Variants in ZMYND8 observed in about 807,000 individuals in gnomAD.
ZMYND8 encodes MYND-type zinc finger-containing chromatin reader ZMYND8.
Under a neutral mutation model 140.8 loss-of-function variants are expected in ZMYND8, and 37 were observed. That is an observed-to-expected ratio of 0.26 (90% confidence interval 0.20 to 0.35). The LOEUF (loss-of-function observed/expected upper bound fraction) is 0.35, where lower values mean the gene tolerates loss of function less well. ZMYND8 is among the 10% of genes least tolerant of loss of function. The probability of loss-of-function intolerance (pLI) is 1.00; values close to 1 mark genes in which losing one functional copy is unlikely to be tolerated. For synonymous variants in ZMYND8, 592 were observed against 597.1 expected (o/e 0.99, Z 0.12); for missense variants, 1,068 against 1,570.0 (o/e 0.68, Z 5.40).
chr20:47,214,093 G>A (rs1177363927), intron 21 of ZMYND8, among the ~76,000 whole-genome samples: 1 of 152,178 alleles, frequency 6.6e-6, no homozygotes, highest in Non-Finnish European at 1.5e-5. Flanking sequence ...AGTACCTGAT[G>A]CACATAAATA....
At chr20:47,238,366 A>G (rs2039507273) in intron 15 of ZMYND8, 1 of 232,650 alleles carries the variant, frequency 4.3e-6, no homozygotes, top group Admixed American at 5.2e-5. Context: ...GCACATATAT[A>G]CATACAGATA....
chr20:47,289,612 GA>G (rs11423749), intron 7 of ZMYND8, among the ~76,000 whole-genome samples: 23 of 147,098 alleles, frequency 1.6e-4, no homozygotes, highest in Non-Finnish European at 2.2e-4. Flanking sequence ...TTGATCGAAT[GA>G]AAAAAAAAAA....
intron 2 of ZMYND8, among the ~76,000 whole-genome samples, chr20:47,315,328 A>G (rs1014602572): frequency 2.6e-5 from 4 of 152,194 alleles, no homozygotes; most frequent in African/African-American, 9.7e-5. Context: ...GTTTGCTGTT[A>G]CAAACACCAA....
chr20:47,298,975 G>A lies in ZMYND8; in HGVS notation c.235-28C>T, dbSNP rs375107295. 13 of 1,606,694 alleles carry A rather than the reference G, an allele frequency of 8.1e-6. No individual in the cohort carries two copies. Among genetic ancestry groups the A allele is most frequent in the Non-Finnish European group, 1.1e-5 (13 of 1,173,710 alleles). On this transcript the variant is annotated intron_variant, in intron 3 of 22. Coordinates refer to ENST00000471951, the MANE Select transcript of ZMYND8 (RefSeq NM_001281775.3). The surrounding 1 kb of genome is among the most constrained non-coding windows in gnomAD (Gnocchi z 5.0). ...GAAATGTAGGCAAAAAGACAGGTTT[G>A]GTTTCAAAACAAATGTGCATTCTCA...
intron 19 of ZMYND8, 26 bp downstream of exon 19, chr20:47,224,291 C>T (rs376425999): frequency 5.6e-5 from 90 of 1,612,672 alleles, no homozygotes; most frequent in Middle Eastern, 1.7e-4. Flanking sequence ...CAGCCCAGGA[C>T]GGGAGGCAGC....
At chr20:47,324,167 A>G (rs1601933104) in intron 2 of ZMYND8, among the ~76,000 whole-genome samples, 1 of 139,128 alleles carries the variant, frequency 7.2e-6, no homozygotes, top group South Asian at 2.2e-4. Context: ...ATGCCATTGC[A>G]CTCCAACCTG....
At chr20:47,333,802 G>A (rs567551444) in intron 2 of ZMYND8, among the ~76,000 whole-genome samples, 57 of 147,304 alleles carry the variant, frequency 3.9e-4, no homozygotes, top group African/African-American at 1.4e-3. Flanking sequence ...CAGCTACTCA[G>A]GAGGCTGAGG....
chr20:47,329,370 C>T (rs1054094263), intron 2 of ZMYND8, among the ~76,000 whole-genome samples: 22 of 152,146 alleles, frequency 1.4e-4, no homozygotes, highest in African/African-American at 4.8e-4. Flanking sequence ...TGACACGTGG[C>T]CAGGGCAGCT....
At chr20:47,219,055 ATT>A (rs3092175) in intron 21 of ZMYND8, among the ~76,000 whole-genome samples, 41 of 110,914 alleles carry the variant, frequency 3.7e-4, no homozygotes, top group South Asian at 3.7e-3. Flanking sequence ...CGTTTCTACA[ATT>A]TTTTTTTTTT....
intron 11 of ZMYND8, among the ~76,000 whole-genome samples, chr20:47,272,095 T>C (rs543597712): frequency 1.2e-4 from 18 of 152,056 alleles, no homozygotes; most frequent in African/African-American, 4.3e-4. Context: ...TTTTTTTCTT[T>C]GAGACAGAGT....
chr20:47,323,042 G>A (rs760111176), intron 2 of ZMYND8, among the ~76,000 whole-genome samples: 2 of 152,180 alleles, frequency 1.3e-5, no homozygotes, highest in Non-Finnish European at 2.9e-5. Context: ...GCCTCTCTGT[G>A]ACTCAGTCAT....
intron 14 of ZMYND8, among the ~76,000 whole-genome samples, chr20:47,241,896 C>T (rs1420442423): frequency 2.0e-5 from 3 of 150,818 alleles, no homozygotes; most frequent in Admixed American, 6.6e-5. Flanking sequence ...CGGCTCACTG[C>T]AAGCTCCGCC....
intron 2 of ZMYND8, among the ~76,000 whole-genome samples, chr20:47,323,373 G>A (rs1010173296): frequency 5.3e-5 from 8 of 151,878 alleles, no homozygotes; most frequent in Non-Finnish European, 1.2e-4. Flanking sequence ...CTCCCAAGTA[G>A]CTAACACCAC....
intron 4 of ZMYND8, among the ~76,000 whole-genome samples, chr20:47,296,016 C>T (rs2077612574): frequency 6.6e-6 from 1 of 152,126 alleles, no homozygotes; most frequent in South Asian, 2.1e-4. Flanking sequence ...AAAAGGCCAA[C>T]ACAAGAGTCA....
At chr20:47,216,495 C>CAAAAA (rs10536216) in intron 21 of ZMYND8, among the ~76,000 whole-genome samples, 7,256 of 58,858 alleles carry the variant, frequency 0.12, 804 homozygotes, top group Non-Finnish European at 0.14. Flanking sequence ...GACTCTGTCT[C>CAAAAA]AAAAAAAAAA....
At chr20:47,318,539 G>T (rs1046729047) in intron 2 of ZMYND8, 5 of 361,946 alleles carry the variant, frequency 1.4e-5, no homozygotes, top group Admixed American at 3.7e-5. Flanking sequence ...GGTTGGGGGT[G>T]GGGAGGAAGC....
intron 3 of ZMYND8, among the ~76,000 whole-genome samples, chr20:47,308,928 G>A (rs2078705662): frequency 6.6e-6 from 1 of 152,156 alleles, no homozygotes; most frequent in African/African-American, 2.4e-5. Flanking sequence ...AATGCACAAA[G>A]TGGATGAATG....
At chr20:47,231,908 C>T (rs1472433031) in intron 16 of ZMYND8, among the ~76,000 whole-genome samples, 1 of 152,264 alleles carries the variant, frequency 6.6e-6, no homozygotes, top group African/African-American at 2.4e-5. Context: ...TTACTCTTAA[C>T]TTCCAAATAT....
chr20:47,338,247 C>G (rs114371179), intron 2 of ZMYND8, among the ~76,000 whole-genome samples: 7 of 152,108 alleles, frequency 4.6e-5, no homozygotes, highest in African/African-American at 1.2e-4. Context: ...AGGCTCCGGG[C>G]TGGCTCTACT....
Sources: allele counts gnomAD v4.1 joint callset (sites outside exome capture counted in the v4.1 genomes callset), GRCh38; gene constraint gnomAD v4.1.1; non-coding constraint Gnocchi (gnomAD v3.1); transcripts MANE v1.5; gene names NCBI Gene and HGNC (gene_info 2026-07-23, HGNC 2026-07-21).